IQGAP1: variants seen among roughly 807,000 people sequenced by gnomAD.
IQGAP1 encodes the protein IQ motif containing GTPase activating protein 1.
In IQGAP1, 66 loss-of-function variants were observed where a neutral mutation model predicts 215.6. That is an observed-to-expected ratio of 0.31 (90% CI 0.25 to 0.38). The LOEUF (loss-of-function observed/expected upper bound fraction) is 0.38. IQGAP1 is among the 10% of genes least tolerant of loss of function. The pLI is 1.00. For missense variants in IQGAP1, 1,712 were observed against 1,997.1 expected (o/e 0.86, Z 2.72); for synonymous variants, 772 against 728.7 (o/e 1.06, Z -0.96).
chr15:90,455,535 A>G (rs975853325), intron 14 of IQGAP1, among the ~76,000 whole-genome samples: 6 of 152,206 alleles, frequency 3.9e-5, no homozygotes, highest in Non-Finnish European at 7.3e-5. Context: ...TTTATTATAC[A>G]GCAGAGTCCT....
At chr15:90,498,833 C>T (rs1966306026) in intron 37 of IQGAP1, among the ~76,000 whole-genome samples, 1 of 113,512 alleles carries the variant, frequency 8.8e-6, no homozygotes, top group Non-Finnish European at 1.9e-5. Flanking sequence ...TTTTTTGAGA[C>T]AGTTTCGCTC....
chr15:90,411,034 G>T (rs1020272029), intron 2 of IQGAP1, among the ~76,000 whole-genome samples: 1 of 151,964 alleles, frequency 6.6e-6, no homozygotes, highest in African/African-American at 2.4e-5. Flanking sequence ...TTTTAATTGG[G>T]TATCTTTTTT....
At chr15:90,408,067 G>T (rs988287368) in intron 2 of IQGAP1, among the ~76,000 whole-genome samples, 1 of 152,190 alleles carries the variant, frequency 6.6e-6, no homozygotes, top group Non-Finnish European at 1.5e-5. Flanking sequence ...TGTATGGTCA[G>T]GCGTTTCCCT....
chr15:90,442,548 C>T lies in IQGAP1; in HGVS notation c.829-846C>T, dbSNP rs969846432. On this transcript the variant is annotated intron_variant, in intron 8 of 37. Coordinates refer to ENST00000268182, the MANE Select transcript of IQGAP1 (RefSeq NM_003870.4). ...CCTGCTCTCAGAACATTCTTTGTAT[C>T]TCTTATCATAGAGCAGGGATTTCAG... Among the ~76,000 whole-genome samples, 4 of 152,310 alleles carry T rather than the reference C, an allele frequency of 2.6e-5. No individual in the cohort carries two copies. The South Asian group carries it at 8.3e-4, about 32-fold the overall frequency.
chr15:90,403,136 C>T (rs965226412), intron 2 of IQGAP1, among the ~76,000 whole-genome samples: 10 of 152,038 alleles, frequency 6.6e-5, no homozygotes, highest in East Asian at 1.9e-4. Flanking sequence ...AAAAGCCAAA[C>T]GTGGTGGCAC....
In IQGAP1 at chr15:90,476,721, T is replaced by C. The variant is rs1158454646; in HGVS notation, c.2843T>C (p.Met948Thr). 1.9e-6 allele frequency: 3 copies of C among 1,604,342 alleles called. No homozygotes were observed. Among genetic ancestry groups the C allele is most frequent in the South Asian group, 2.2e-5 (2 of 89,302 alleles). ...TKKNKEQLSD[M>T]MMINKQKGGL... ...AAAAATAAGGAACAGTTGTCTGATATGATGATGATAAATAAACAGAAGGGA... is the reference window on the plus strand; with the variant it reads ...AAAAATAAGGAACAGTTGTCTGATACGATGATGATAAATAAACAGAAGGGA... Residue 948 changes from methionine (M) to threonine (T), a missense_variant, in exon 24 of 38, where the codon ATG (methionine) becomes ACG (threonine). Physicochemically the swap from Met to Thr is moderately conservative, Grantham distance 81. Around this residue, in one of 2 missense-constraint regions of IQGAP1, gnomAD observed 691 missense variants for 923.0 expected, o/e 0.75. Coordinates refer to ENST00000268182, the MANE Select transcript of IQGAP1 (RefSeq NM_003870.4).
intron 10 of IQGAP1, 23 bp from the exon 11 acceptor site, chr15:90,449,536 A>C: frequency 1.9e-6 from 3 of 1,596,568 alleles, no homozygotes; most frequent in Non-Finnish European, 1.7e-6. Context: ...TAATCTTTAC[A>C]TAATTTTCTT....
chr15:90,467,510 A>G lies in IQGAP1; in HGVS notation c.2096A>G (p.Asn699Ser). ...WVKGGYYYYH[N>S]LETQEGGWDE... ...AAAGGTGGATATTATTATTACCACA[A>G]TCTGGAGACCCAGGAAGGAGGATGG... Residue 699 changes from asparagine (N) to serine (S), a missense_variant, in exon 18 of 38, where the codon AAT becomes AGT. Asn to Ser is a conservative substitution (Grantham distance 46). Coordinates refer to ENST00000268182, the MANE Select transcript of IQGAP1 (RefSeq NM_003870.4). 1 of 1,613,248 alleles carries G rather than the reference A, an allele frequency of 6.2e-7. No homozygotes were observed. The highest frequency in any genetic ancestry group is 8.5e-7 in the Non-Finnish European group (1 of 1,179,560).
Position 90,491,502 on chromosome 15 carries a change from A to G in IQGAP1, c.4418A>G (p.Asp1473Gly). The change falls in exon 34 of 38, where the codon GAC (aspartate) becomes GGC (glycine). Residue 1473 changes from aspartate to glycine, a missense_variant. Coordinates refer to ENST00000268182, the MANE Select transcript of IQGAP1 (RefSeq NM_003870.4). ...AAGCTAACAGAGCTTGGAACCGTGGACCCAAAGAACAAATACCAGGAACTG... is the reference window on the plus strand; with the variant it reads ...AAGCTAACAGAGCTTGGAACCGTGGGCCCAAAGAACAAATACCAGGAACTG... ...LKKLTELGTVDPKNKYQELIN... is the reference protein window; with the variant it reads ...LKKLTELGTVGPKNKYQELIN... The G allele has an allele frequency of 1.2e-6, 2 of 1,614,168 alleles. No homozygotes were observed. The highest frequency in any genetic ancestry group is 1.1e-5 in the South Asian group (1 of 91,090).
chr15:90,393,387 T>C (rs755610023), intron 2 of IQGAP1: 2 of 152,246 alleles, frequency 1.3e-5, no homozygotes, highest in Non-Finnish European at 2.9e-5. Flanking sequence ...AGATTACTTA[T>C]CATACCTGAT....
In IQGAP1 at chr15:90,433,647, A is replaced by G. The variant is rs1293763194; in HGVS notation, c.391-72A>G. On this transcript the variant is annotated intron_variant, in intron 4 of 37. Coordinates refer to ENST00000268182, the MANE Select transcript of IQGAP1 (RefSeq NM_003870.4). The stretch of plus-strand genomic sequence containing the variant: ...AACTGTCCATAGTTTGATTTGGATT[A>G]TTGATGATTGGTGAATGTCAGATGA... The G allele has an allele frequency of 4.3e-6, 4 of 924,798 alleles. No individual in the cohort carries two copies. The African/African-American group carries it at 5.0e-5, about 11-fold the overall frequency. 57.3% of individuals were successfully genotyped at this position (924,798 alleles called of 1,614,324 possible). A position where few individuals can be genotyped will look rare whatever the true frequency, so the allele number is the denominator to read the frequency against.
At chr15:90,429,521 AAG>A in intron 3 of IQGAP1, 66 bp from the exon 4 acceptor site, 1 of 1,217,762 alleles carries the variant, frequency 8.2e-7, no homozygotes, top group Non-Finnish European at 1.2e-6. Context: ...AACTTTTGCG[AAG>A]AGAGTTTTTA....
chr15:90,417,717 A>G (rs993629857), intron 2 of IQGAP1, among the ~76,000 whole-genome samples: 21 of 152,296 alleles, frequency 1.4e-4, no homozygotes, highest in Admixed American at 1.0e-3. Context: ...GTTCCATATG[A>G]ACTTTAAAGT....
intron 9 of IQGAP1, among the ~76,000 whole-genome samples, chr15:90,446,782 A>G (rs1965532842): frequency 6.6e-6 from 1 of 152,176 alleles, no homozygotes; most frequent in South Asian, 2.1e-4. Flanking sequence ...AAATTAGAAA[A>G]AGTTTTTATT....
chr15:90,445,992 C>T (rs1006641225), intron 9 of IQGAP1, among the ~76,000 whole-genome samples: 4 of 152,044 alleles, frequency 2.6e-5, no homozygotes, highest in South Asian at 2.1e-4. Context: ...ATTCTGCTAC[C>T]TTCTGGTTCA....
intron 30 of IQGAP1, among the ~76,000 whole-genome samples, 160 bp downstream of exon 30, chr15:90,484,512 A>G (rs923414042): frequency 6.6e-6 from 1 of 150,722 alleles, no homozygotes; most frequent in Non-Finnish European, 1.5e-5. Flanking sequence ...TTTTTTGTTT[A>G]TTTATTTATT....
intron 2 of IQGAP1, among the ~76,000 whole-genome samples, chr15:90,413,947 C>T (rs2589950): frequency 0.19 from 28,980 of 152,034 alleles, 3,451 homozygotes; most frequent in East Asian, 0.46. Context: ...AGCTGGCTGC[C>T]GCCTCTGCTC....
At chr15:90,434,372 A>G (rs1432949390) in intron 5 of IQGAP1, among the ~76,000 whole-genome samples, 4 of 152,086 alleles carry the variant, frequency 2.6e-5, no homozygotes, top group Non-Finnish European at 4.4e-5. Flanking sequence ...CGGAAGGCAG[A>G]GGTTGCAGTG....
rs748949609 is a variant in IQGAP1, at chr15:90,473,902, T to G, written c.2440T>G (p.Ser814Ala). ...SHKDEVVKIQ[S>A]LARMHQARKR... The stretch of plus-strand genomic sequence containing the variant: ...CAGGATCCCTTTTCCACAGATTCAG[T>G]CCCTGGCAAGGATGCACCAAGCTCG... Residue 814 changes from serine (S) to alanine (A), a missense_variant, in exon 21 of 38, where the codon TCC (serine) becomes GCC (alanine). By Grantham distance (99) the Ser-to-Ala change is moderately conservative. Coordinates refer to ENST00000268182, the MANE Select transcript of IQGAP1 (RefSeq NM_003870.4). The G allele has an allele frequency of 6.2e-7, 1 of 1,613,842 alleles. No homozygotes were observed. Among genetic ancestry groups the G allele is most frequent in the South Asian group, 1.1e-5 (1 of 91,046 alleles).
Sources: gnomAD v4.1 joint callset for allele counts (sites outside exome capture counted in the v4.1 genomes callset) on GRCh38, gnomAD v4.1.1 for gene constraint, gnomAD v4.1.1 regional missense constraint, MANE v1.5 for transcripts, NCBI Gene and HGNC (gene_info 2026-07-23, HGNC 2026-07-21) for gene names.